The following NBL1 variants were observed in gnomAD, a reference collection of about 807,000 sequenced individuals.
NBL1 encodes the protein neuroblastoma suppressor of tumorigenicity 1.
A neutral mutation model predicts 16.0 loss-of-function variants in NBL1; 9 were observed. The ratio of observed to expected loss-of-function variants is 0.56; its 90% confidence interval spans 0.34 to 0.98. NBL1 has a LOEUF of 0.98. NBL1 is among the 50% of genes least tolerant of loss of function. NBL1 has a pLI of 0.02. For synonymous variants in NBL1, 86 were observed against 100.7 expected, an observed-to-expected ratio of 0.85 and a Z score of 0.87; for missense variants, 196 against 243.1, an observed-to-expected ratio of 0.81 and a Z score of 1.29.
rs2095048821 is a variant in NBL1 at position 19,655,159 on chromosome 1, C to T, written c.129C>T (p.Ile43=). ...GCGAAGCCAAGAACATCACCCAGAT[C>T]GTGGGCCACAGCGGCTGTGAGGCCA... The part of the protein sequence containing the change: ...AWCEAKNITQ[I]VGHSGCEAKS... Residue 43 remains isoleucine (I), a synonymous_variant, in exon 2 of 4, where the codon ATC becomes ATT. Transcript: ENST00000375136. 6 of 1,609,852 alleles carry T rather than the reference C, an allele frequency of 3.7e-6. No individual in the cohort carries two copies. Among genetic ancestry groups the T allele is most frequent in the South Asian group, 1.1e-5 (1 of 90,456 alleles).
chr1:19,654,877 A>G, intron 1 of NBL1, 135 bp from the exon 2 acceptor site: 1 of 1,185,126 alleles, frequency 8.4e-7, no homozygotes, highest in Non-Finnish European at 1.1e-6. Context: ...TAACTTGTCC[A>G]AAGTTGCACT....
upstream of NBL1, chr1:19,643,435 A>G (rs749323652): frequency 5.6e-6 from 9 of 1,611,072 alleles, no homozygotes; most frequent in East Asian, 2.2e-5. This position sits in a 1 kb window ranked among gnomAD's most constrained non-coding sequence, Gnocchi z 4.7. Flanking sequence ...AAGTCCTACA[A>G]TCGTGTCCCA....
chr1:19,655,457 C>G (rs2095050816), intron 3 of NBL1, 22 bp downstream of exon 3: 2 of 1,612,550 alleles, frequency 1.2e-6, no homozygotes, highest in Admixed American at 1.7e-5. Context: ...CTGCCTGCCC[C>G]ACCCAGTCTC....
In NBL1 at chr1:19,646,320, C is replaced by T. The variant is rs145434189; in HGVS notation, c.-20+1874C>T. On this transcript the variant is annotated intron_variant, in intron 1 of 3. Transcript: ENST00000375136. Reference sequence around the variant, plus strand: ...AGGCTGCCCATTTTACAGATGCAAACGTGAAGCTGAGGGGGGAAGCAAATG... The same window carrying T: ...AGGCTGCCCATTTTACAGATGCAAATGTGAAGCTGAGGGGGGAAGCAAATG... Among the ~76,000 whole-genome samples, 334 of 152,320 alleles carry T rather than the reference C, an allele frequency of 2.2e-3. 1 individual carries two copies. The highest frequency in any genetic ancestry group is 7.8e-3 in the African/African-American group (324 of 41,572).
chr1:19,657,333 T>TG lies in NBL1; in HGVS notation c.*210dup. The TG allele has an allele frequency of 4.7e-6, 1 of 211,926 alleles. No homozygotes were observed. The highest frequency in any genetic ancestry group is 8.4e-6 in the Non-Finnish European group (1 of 118,896). 13.1% of individuals were successfully genotyped at this position (211,926 alleles called of 1,614,324 possible). Reference sequence around the variant, plus strand: ...CTGCACAATTTAATATATTCAAGAGTGGGGGGAGGAAGCAGAGGTCTTCAG... The same window carrying TG: ...CTGCACAATTTAATATATTCAAGAGTGGGGGGGAGGAAGCAGAGGTCTTCAG... On this transcript the variant is annotated 3_prime_UTR_variant, in exon 4 of 4. Coordinates refer to ENST00000375136, the MANE Select transcript of NBL1 (RefSeq NM_005380.8).
intron 1 of NBL1, among the ~76,000 whole-genome samples, chr1:19,653,809 C>T (rs2095040933): frequency 6.6e-6 from 1 of 152,246 alleles, no homozygotes; most frequent in Non-Finnish European, 1.5e-5. Flanking sequence ...ATGGGTGAAA[C>T]TTACCTGGGG....
At chr1:19,645,341 G>A in intron 1 of NBL1, 1 of 985,542 alleles carries the variant, frequency 1.0e-6, no homozygotes, top group African/African-American at 1.7e-5. Flanking sequence ...CCACCTGCCC[G>A]GCCCGCTCCC....
intron 1 of NBL1, among the ~76,000 whole-genome samples, chr1:19,651,181 A>G (rs907099082): frequency 3.3e-5 from 5 of 152,174 alleles, no homozygotes; most frequent in Non-Finnish European, 7.4e-5. Context: ...TCCTAAGGGG[A>G]GGGGCTGCAG....
chr1:19,648,414 A>C (rs1051683312), intron 1 of NBL1, among the ~76,000 whole-genome samples: 6 of 152,158 alleles, frequency 3.9e-5, no homozygotes, highest in African/African-American at 1.4e-4. Flanking sequence ...GCCGTGCCTC[A>C]TACCTGGCGG....
At chr1:19,645,232 A>C in intron 1 of NBL1, 3 of 413,182 alleles carry the variant, frequency 7.3e-6, no homozygotes, top group Non-Finnish European at 9.8e-6. Flanking sequence ...TCTCCCTGGA[A>C]TTGAGTCTGG....
At position 19,655,423 on chromosome 1, in the gene NBL1, C is replaced by T. The variant is rs767428488; in HGVS notation, c.270C>T (p.Ser90=). ...GTGACTCCTGCATGCCAGCCCAGTCCATGTGGGAGATTGTGAGTACTGCCT... is the reference window on the plus strand; with the variant it reads ...GTGACTCCTGCATGCCAGCCCAGTCTATGTGGGAGATTGTGAGTACTGCCT... ...VHCDSCMPAQ[S]MWEIVTLECP... The change falls in exon 3 of 4, where the codon TCC becomes TCT. Residue 90 remains serine, a synonymous_variant. Coordinates refer to ENST00000375136, the MANE Select transcript of NBL1 (RefSeq NM_005380.8). The T allele has an allele frequency of 6.2e-7, 1 of 1,614,108 alleles. No homozygotes were observed. Among genetic ancestry groups the T allele is most frequent in the South Asian group, 1.1e-5 (1 of 91,076 alleles).
At chr1:19,645,420 G>T (rs2094972860) in intron 1 of NBL1, 1 of 987,584 alleles carries the variant, frequency 1.0e-6, no homozygotes, top group Non-Finnish European at 1.2e-6. Flanking sequence ...GGCGTGGCCG[G>T]AGGTTGGCGG....
At chr1:19,644,116 G>A (rs1408792156), upstream of NBL1, 12 of 973,104 alleles carry the variant, frequency 1.2e-5, no homozygotes, top group Non-Finnish European at 1.5e-5. The surrounding 1 kb of genome is among the most constrained non-coding windows in gnomAD (Gnocchi z 4.6). Flanking sequence ...AGCCCGGGGC[G>A]GGCGGGCCAG....
Position 19,655,132 on chromosome 1 carries a change from G to A in NBL1, c.102G>A (p.Trp34Ter), listed in dbSNP as rs1051444016. 1 of 1,611,936 alleles carries A rather than the reference G, an allele frequency of 6.2e-7. No homozygotes were observed. ...KLALFPDKSAWCEAKNITQIV... is the reference protein window; with the variant it reads ...KLALFPDKSA ...CACTGTTCCCAGATAAGAGTGCCTG[G>A]TGCGAAGCCAAGAACATCACCCAGA... Residue 34 changes from tryptophan to a stop codon, truncating the protein, a stop_gained, in exon 2 of 4, where the codon TGG becomes TGA. Coordinates refer to ENST00000375136, the MANE Select transcript of NBL1 (RefSeq NM_005380.8). LOFTEE classifies it high-confidence loss of function.
intron 1 of NBL1, among the ~76,000 whole-genome samples, chr1:19,648,379 G>A (rs947790855): frequency 6.6e-6 from 1 of 152,182 alleles, no homozygotes; most frequent in Non-Finnish European, 1.5e-5. Context: ...TCAGAGTCCC[G>A]TGGGGAGCAC....
chr1:19,645,045 C>T (rs532637554), intron 1 of NBL1, among the ~76,000 whole-genome samples: 83 of 152,180 alleles, frequency 5.5e-4, no homozygotes, highest in Non-Finnish European at 9.6e-4. Context: ...GCGCTGCCCT[C>T]TGTGGGGGTC....
chr1:19,652,751 G>A (rs564675250), intron 1 of NBL1, among the ~76,000 whole-genome samples: 31 of 152,308 alleles, frequency 2.0e-4, no homozygotes, highest in Non-Finnish European at 3.5e-4. Context: ...ACCTTGGGAG[G>A]CCGAGGTGGG....
intron 1 of NBL1, among the ~76,000 whole-genome samples, chr1:19,647,852 TGTGTGTGTGTGTGC>T (rs1214726362): frequency 1.3e-4 from 18 of 136,002 alleles, no homozygotes; most frequent in Non-Finnish European, 2.3e-4. Flanking sequence ...AAAGGCCTGG[TGTGTGTGTGTGTGC>T]GTGTGTGTGT....
rs1553315043 is a variant in NBL1 at position 19,657,373 on chromosome 1, G to GGT, written c.*245_*246insTG. On this transcript the variant is annotated 3_prime_UTR_variant, in exon 4 of 4. Transcript: ENST00000375136. ...GAGGTCTTCAGGGCTCTTTTTTTGG[G>GGT]GGGGGTGGTCTCTTCCTGTCTGGCT... 10 of 265,478 alleles carry GGT rather than the reference G, an allele frequency of 3.8e-5. No homozygotes were observed. In the East Asian group the frequency reaches 5.8e-4, roughly 15 times the overall value. 16.4% of individuals were successfully genotyped at this position (265,478 alleles called of 1,614,324 possible).
Sources: gnomAD v4.1 joint callset for allele counts (sites outside exome capture counted in the v4.1 genomes callset) on GRCh38, gnomAD v4.1.1 for gene constraint, Gnocchi (gnomAD v3.1) non-coding constraint, MANE v1.5 for transcripts, NCBI Gene and HGNC (gene_info 2026-07-23, HGNC 2026-07-21) for gene names.